The following ENOX2 variants were observed in gnomAD, a reference collection of about 807,000 sequenced individuals.
ENOX2 encodes the protein ecto-NOX disulfide-thiol exchanger 2, also known as APK1 antigen.
ENOX2 carries 36 observed loss-of-function variants against 45.0 expected under a neutral mutation model. That is an observed-to-expected ratio of 0.80 (90% confidence interval 0.61 to 1.06). The LOEUF is 1.06. Ranked by LOEUF, ENOX2 falls within the 50% of genes least tolerant of loss-of-function variation. ENOX2 has a pLI of 0.00. For synonymous variants in ENOX2, 174 were observed against 152.3 expected, an observed-to-expected ratio of 1.14 and a Z score of -1.05; for missense variants, 423 against 462.5, an observed-to-expected ratio of 0.91 and a Z score of 0.78.
At chrX:130,863,014 A>T (rs896767422) in intron 2 of ENOX2, among the ~76,000 whole-genome samples, 26 of 111,663 alleles carry the variant, frequency 2.3e-4, no homozygotes, top group African/African-American at 8.5e-4. Flanking sequence ...TGCAAGGTAC[A>T]CAGCACTACC....
chrX:130,645,680 T>G (rs1400697872), intron 10 of ENOX2: 4 of 535,584 alleles, frequency 7.5e-6, no homozygotes, highest in Non-Finnish European at 1.2e-5. Context: ...CTGGGCCTGC[T>G]GCGTTTCATG....
At chrX:130,766,631 G>T (rs1484230754) in intron 3 of ENOX2, among the ~76,000 whole-genome samples, 1 of 111,090 alleles carries the variant, frequency 9.0e-6, no homozygotes, top group African/African-American at 3.3e-5. Context: ...TGGGAGGCAG[G>T]TTTTATTTTC....
At chrX:130,871,407 T>C (rs2078586020) in intron 2 of ENOX2, among the ~76,000 whole-genome samples, 1 of 111,231 alleles carries the variant, frequency 9.0e-6, no homozygotes, top group Non-Finnish European at 1.9e-5. Context: ...TAGTCTTCTA[T>C]AAGGGGGAAC....
intron 2 of ENOX2, among the ~76,000 whole-genome samples, chrX:130,891,490 GTTTTTTT>G (rs140444679): frequency 4.5e-5 from 2 of 44,565 alleles, no homozygotes; most frequent in Non-Finnish European, 3.7e-5. Context: ...ACACTATATG[GTTTTTTT>G]TTTTTTTTTT....
At chrX:130,757,891 C>G (rs976595828) in intron 3 of ENOX2, among the ~76,000 whole-genome samples, 1 of 110,766 alleles carries the variant, frequency 9.0e-6, no homozygotes, top group African/African-American at 3.3e-5. Context: ...ACACCACCAC[C>G]CCTGGCTAAT....
intron 3 of ENOX2, among the ~76,000 whole-genome samples, chrX:130,769,822 C>T (rs1178661552): frequency 8.9e-6 from 1 of 112,294 alleles, no homozygotes; most frequent in Non-Finnish European, 1.9e-5. Context: ...CATAAATAGG[C>T]TAAATATTGT....
At chrX:130,659,729 T>A (rs2036639452) in intron 9 of ENOX2, among the ~76,000 whole-genome samples, 1 of 112,194 alleles carries the variant, frequency 8.9e-6, no homozygotes, top group Non-Finnish European at 1.9e-5. Flanking sequence ...AGAGACCAAC[T>A]CTCAATTCAC....
At chrX:130,868,016 G>GTT (rs2078517293) in intron 2 of ENOX2, among the ~76,000 whole-genome samples, 1 of 111,845 alleles carries the variant, frequency 8.9e-6, no homozygotes, top group African/African-American at 3.2e-5. Context: ...AGGTCAAAAT[G>GTT]TAATAAACTA....
chrX:130,790,425 C>G (rs2077026161), intron 2 of ENOX2, among the ~76,000 whole-genome samples: 1 of 112,200 alleles, frequency 8.9e-6, no homozygotes, highest in Admixed American at 9.4e-5. Flanking sequence ...CCACTATGCC[C>G]CAGCTTATGC....
At chrX:130,777,255 T>C (rs1189813315) in intron 3 of ENOX2, among the ~76,000 whole-genome samples, 1 of 110,679 alleles carries the variant, frequency 9.0e-6, no homozygotes, top group Non-Finnish European at 1.9e-5. Context: ...TCTCAGCACT[T>C]TGGGAGGCTG....
intron 4 of ENOX2, among the ~76,000 whole-genome samples, chrX:130,698,794 A>G (rs980910196): frequency 3.9e-4 from 43 of 111,547 alleles, no homozygotes; most frequent in African/African-American, 1.4e-3. Flanking sequence ...AAGAATGAGC[A>G]GGGCTTTGCT....
Position 130,667,640 on chromosome X carries a change from G to A in ENOX2, c.797C>T (p.Ser266Leu), listed in dbSNP as rs759365981. The change falls in exon 8 of 15, where the codon TCG becomes TTG. Residue 266 changes from serine (S) to leucine (L), a missense_variant. Physicochemically the swap from Ser to Leu is moderately radical, Grantham distance 145 (BLOSUM62 -2). This residue lies in a region of ENOX2 where 261 missense variants were observed against 306.8 expected (regional missense o/e 0.85). Transcript: ENST00000394363. ...SANNFYSMIQSANSHVRRLVN... is the reference protein window; with the variant it reads ...SANNFYSMIQLANSHVRRLVN... ...CAGGCGGCGGACATGGCTGTTGGCC[G>A]ACTGGATCATGGAGTAGAAGTTATT... 14 of 1,209,308 alleles carry A rather than the reference G, an allele frequency of 1.2e-5. No homozygotes were observed. The highest frequency in any genetic ancestry group is 7.0e-5 in the South Asian group (4 of 56,800).
chrX:130,777,762 G>A (rs756983121), intron 3 of ENOX2, among the ~76,000 whole-genome samples: 1 of 111,689 alleles, frequency 9.0e-6, no homozygotes, highest in African/African-American at 3.3e-5. Context: ...CCCCTGGACA[G>A]TCCTTGAAAA....
At chrX:130,635,821 G>T (rs1415276387) in intron 11 of ENOX2, among the ~76,000 whole-genome samples, 1 of 111,873 alleles carries the variant, frequency 8.9e-6, no homozygotes, top group Non-Finnish European at 1.9e-5. Context: ...TTTGAGATAA[G>T]ATGTGAGAAA....
intron 2 of ENOX2, among the ~76,000 whole-genome samples, chrX:130,892,155 G>A (rs760684248): frequency 5.4e-5 from 6 of 111,746 alleles, no homozygotes; most frequent in Non-Finnish European, 9.4e-5. Context: ...GAAAGAAAAG[G>A]TTATAAAGGA....
chrX:130,731,310 A>T (rs906717763), intron 3 of ENOX2, among the ~76,000 whole-genome samples: 2 of 112,295 alleles, frequency 1.8e-5, no homozygotes, highest in Non-Finnish European at 3.8e-5. Context: ...CTATAGTTTT[A>T]TTTATAAAAG....
At position 130,859,716 on chromosome X, in the gene ENOX2, G is replaced by A. The variant is rs954979860; in HGVS notation, c.-183+41968C>T. Among the ~76,000 whole-genome samples the A allele has an allele frequency of 5.4e-5, 6 of 112,032 alleles. No homozygotes were observed. In the South Asian group the frequency reaches 1.1e-3, roughly 21 times the overall value. ...GAAACATAAATGTCTGACAGGGTGG[G>A]GGATGCATTAGAGGAAATAAGGGAG... On this transcript the variant is annotated intron_variant, in intron 2 of 14. Coordinates refer to ENST00000394363, the MANE Select transcript of ENOX2 (RefSeq NM_006375.4).
At position 130,625,304 on chromosome X, in the gene ENOX2, G is replaced by A; in HGVS notation, c.*10C>T. The A allele has an allele frequency of 8.3e-7, 1 of 1,206,737 alleles. No homozygotes were observed. The stretch of plus-strand genomic sequence containing the variant: ...TATCTTCAGGATCCCAAGTTGTTAG[G>A]CAAAGAGATTTAGGTCAGCTTCAAG... On this transcript the variant is annotated 3_prime_UTR_variant, in exon 15 of 15. Transcript: ENST00000394363.
chrX:130,718,876 G>A (rs1340852568), intron 3 of ENOX2, among the ~76,000 whole-genome samples: 3 of 111,617 alleles, frequency 2.7e-5, no homozygotes, highest in African/African-American at 9.8e-5. Context: ...CGTCAGTGCC[G>A]GAGCCCAGGG....
Sources: allele counts gnomAD v4.1 joint callset (sites outside exome capture counted in the v4.1 genomes callset), GRCh38; gene constraint gnomAD v4.1.1; regional missense constraint gnomAD v4.1.1; transcripts MANE v1.5; gene names NCBI Gene and HGNC (gene_info 2026-07-23, HGNC 2026-07-21).